Variants in COL15A1 observed in about 807,000 individuals in gnomAD.
The protein encoded by COL15A1 is collagen alpha-1(XV) chain.
Under a neutral mutation model 165.9 loss-of-function variants are expected in COL15A1, and 111 were observed. The observed-to-expected ratio is 0.67, with a 90% CI of 0.57 to 0.78. The LOEUF is 0.78. Among genes scored for constraint, COL15A1 ranks in the 30% least tolerant of loss-of-function variants. The pLI is 0.00. For synonymous variants in COL15A1, 659 were observed against 674.8 expected (o/e 0.98, Z 0.36); for missense variants, 1,745 against 1,789.7 (o/e 0.98, Z 0.45).
chr9:98,989,151 T>A (rs758748467), intron 4 of COL15A1, 27 bp from the exon 5 acceptor site: 27 of 1,596,688 alleles, frequency 1.7e-5, no homozygotes, highest in Non-Finnish European at 2.1e-5. Flanking sequence ...CTCTGCCCGG[T>A]GTGTGGCACA....
At chr9:99,021,839 T>A (rs7046498) in intron 12 of COL15A1, among the ~76,000 whole-genome samples, 58,827 of 152,062 alleles carry the variant, frequency 0.39, 11,997 homozygotes, top group East Asian at 0.7. Flanking sequence ...AGGGAGGGTG[T>A]GTGTGATGCG....
chr9:98,975,684 C>T (rs988986979), intron 2 of COL15A1, among the ~76,000 whole-genome samples: 1 of 152,212 alleles, frequency 6.6e-6, no homozygotes, highest in Non-Finnish European at 1.5e-5. Flanking sequence ...CTCCTCTCTG[C>T]GCCCTGAGGA....
intron 9 of COL15A1, among the ~76,000 whole-genome samples, chr9:99,008,711 G>A (rs931967714): frequency 7.2e-5 from 11 of 152,182 alleles, no homozygotes; most frequent in South Asian, 2.1e-4. Context: ...CTGGATTCAA[G>A]TGATTCTCAT....
At position 99,070,535 on chromosome 9, in the gene COL15A1, G is replaced by C. The variant is rs1010687126; in HGVS notation, c.*649G>C. 7.4e-5 allele frequency: 25 copies of C among 337,128 alleles called. No homozygotes were observed. Among genetic ancestry groups the C allele is most frequent in the Non-Finnish European group, 1.4e-4 (24 of 167,164 alleles). 20.9% of individuals were successfully genotyped at this position (337,128 alleles called of 1,614,324 possible). On this transcript the variant is annotated 3_prime_UTR_variant, in exon 42 of 42. Transcript: ENST00000375001. The stretch of plus-strand genomic sequence containing the variant: ...GTAACTCTGACTTGCTGGAAAAGTT[G>C]AAACTCCAAATAATCTGAAACTAGA...
chr9:98,951,578 T>A (rs184644724), intron 2 of COL15A1, among the ~76,000 whole-genome samples: 21 of 152,286 alleles, frequency 1.4e-4, no homozygotes, highest in African/African-American at 5.1e-4. Context: ...TCTATTATTA[T>A]TTTTTGGGAC....
chr9:98,987,512 G>T, intron 4 of COL15A1, 144 bp downstream of exon 4: 1 of 673,600 alleles, frequency 1.5e-6, no homozygotes. Flanking sequence ...TTGGGCTTTT[G>T]GCGTGATTTC....
At chr9:99,059,374 C>G (rs1825774187) in intron 35 of COL15A1, among the ~76,000 whole-genome samples, 1 of 150,316 alleles carries the variant, frequency 6.7e-6, no homozygotes, top group Non-Finnish European at 1.5e-5. Context: ...CGAGATCACA[C>G]AGCTAGGAAT....
intron 2 of COL15A1, among the ~76,000 whole-genome samples, chr9:98,970,646 C>G (rs1044762387): frequency 6.6e-6 from 1 of 152,080 alleles, no homozygotes; most frequent in Non-Finnish European, 1.5e-5. Flanking sequence ...TTAATGGAAC[C>G]CAAATTATTA....
chr9:98,945,294 G>A (rs1006112659), intron 2 of COL15A1, among the ~76,000 whole-genome samples: 14 of 152,184 alleles, frequency 9.2e-5, no homozygotes, highest in African/African-American at 3.4e-4. Flanking sequence ...CGCAATGCAG[G>A]TATTTTTATA....
intron 30 of COL15A1, 56 bp downstream of exon 30, chr9:99,049,951 G>T: frequency 6.2e-7 from 1 of 1,609,610 alleles, no homozygotes; most frequent in Non-Finnish European, 8.5e-7. Flanking sequence ...GCAACTTGGA[G>T]AAAAAGATCA....
At chr9:99,039,464 G>A (rs1010054312) in intron 22 of COL15A1, among the ~76,000 whole-genome samples, 2 of 152,312 alleles carry the variant, frequency 1.3e-5, no homozygotes, top group South Asian at 4.1e-4. Context: ...AGCCAAGATC[G>A]CACTACTGCA....
At chr9:98,960,999 A>G (rs1837856503) in intron 2 of COL15A1, among the ~76,000 whole-genome samples, 1 of 152,218 alleles carries the variant, frequency 6.6e-6, no homozygotes, top group Admixed American at 6.5e-5. Flanking sequence ...GAGATAAACA[A>G]TCATAATCTG....
chr9:99,035,517 C>T (rs1839286726), intron 19 of COL15A1, 99 bp downstream of exon 19: 4 of 1,450,728 alleles, frequency 2.8e-6, no homozygotes, highest in Non-Finnish European at 3.8e-6. Context: ...CTTTCAATAA[C>T]TCACCTTCTC....
In COL15A1 at chr9:99,035,418, T is replaced by C. The variant is rs2119051000; in HGVS notation, c.2289T>C (p.Ile763=). ...EPKLSRPTAA[I]GLKGEKGDRG... is the part of the protein sequence containing the mutation. ...AACTCTCCAGACCAACGGCTGCAAT[T>C]GTAGGTCGCCTCTGAAACCTTCATT... The change falls in exon 19 of 42, where the codon ATT becomes ATC. Residue 763 remains isoleucine (I), a splice_region_variant and synonymous_variant. Transcript: ENST00000375001. 1 of 1,614,136 alleles carries C rather than the reference T, an allele frequency of 6.2e-7. No individual in the cohort carries two copies.
intron 6 of COL15A1, 131 bp from the exon 7 acceptor site, chr9:99,000,708 G>GT: frequency 1.5e-6 from 1 of 645,496 alleles, no homozygotes. Context: ...TCTGCAACTT[G>GT]TTTTTTCCCC....
At chr9:99,064,087 A>T (rs1825858623) in intron 39 of COL15A1, among the ~76,000 whole-genome samples, 1 of 152,074 alleles carries the variant, frequency 6.6e-6, no homozygotes, top group Non-Finnish European at 1.5e-5. Context: ...ACCTTCTGAA[A>T]GGGTCTTTCT....
intron 13 of COL15A1, 127 bp from the exon 14 acceptor site, chr9:99,023,230 G>T (rs1839057028): frequency 1.7e-6 from 2 of 1,193,372 alleles, no homozygotes; most frequent in Non-Finnish European, 2.2e-6. Context: ...AGAGAAAACG[G>T]GGAGCAGAAG....
At chr9:99,002,634 A>C (rs1486466112) in intron 7 of COL15A1, among the ~76,000 whole-genome samples, 4 of 152,168 alleles carry the variant, frequency 2.6e-5, no homozygotes, top group African/African-American at 9.7e-5. Context: ...AGTTAGAAAG[A>C]GTCTCATTTT....
chr9:98,990,060 T>C (rs1195203329), intron 5 of COL15A1, among the ~76,000 whole-genome samples: 2 of 152,210 alleles, frequency 1.3e-5, no homozygotes, highest in African/African-American at 4.8e-5. Flanking sequence ...AGATGGAAAT[T>C]AGGCAGTGGC....
Sources: allele counts gnomAD v4.1 joint callset (sites outside exome capture counted in the v4.1 genomes callset), GRCh38; gene constraint gnomAD v4.1.1; transcripts MANE v1.5; gene names NCBI Gene and HGNC (gene_info 2026-07-23, HGNC 2026-07-21).